LARGE1: variants seen among roughly 807,000 people sequenced by gnomAD.
LARGE1 encodes the protein xylosyl- and glucuronyltransferase LARGE1.
A neutral mutation model predicts 87.6 loss-of-function variants in LARGE1; 43 were observed. The observed-to-expected ratio is 0.49, with a 90% confidence interval of 0.38 to 0.63. The LOEUF (loss-of-function observed/expected upper bound fraction) is 0.63. Among genes scored for constraint, LARGE1 ranks in the 30% least tolerant of loss-of-function variants. The pLI is 0.00. For missense variants in LARGE1, 802 were observed against 1,000.2 expected, an observed-to-expected ratio of 0.80 and a Z score of 2.67; for synonymous variants, 434 against 394.6, an observed-to-expected ratio of 1.10 and a Z score of -1.18.
At chr22:33,653,073 A>T (rs771051786) in intron 2 of LARGE1, among the ~76,000 whole-genome samples, 1 of 152,232 alleles carries the variant, frequency 6.6e-6, no homozygotes, top group Non-Finnish European at 1.5e-5. Context: ...GAAAAAGAAT[A>T]GGCAGCTATT....
At chr22:33,202,905 G>A (rs1167576213) in intron 11 of LARGE1, among the ~76,000 whole-genome samples, 1 of 152,186 alleles carries the variant, frequency 6.6e-6, no homozygotes, top group African/African-American at 2.4e-5. Flanking sequence ...TTCCTGGAAA[G>A]CAAGGCATTA....
rs184750582 is a variant in LARGE1 at position 33,702,254 on chromosome 22, G to A, written c.107-51586C>T. 1.6e-4 allele frequency among the ~76,000 whole-genome samples: 25 copies of A among 152,340 alleles called. No homozygotes were observed. In the East Asian group the frequency reaches 4.4e-3, roughly 27 times the overall value. ...GGCATTCAATATGCATTTGCTGAAT[G>A]TAATCTGCAGCTTCTGGACTGACCT... On this transcript the variant is annotated intron_variant, in intron 2 of 14. Coordinates refer to ENST00000397394, the MANE Select transcript of LARGE1 (RefSeq NM_133642.5).
chr22:33,637,779 C>T (rs916565433), intron 3 of LARGE1, among the ~76,000 whole-genome samples: 1 of 152,174 alleles, frequency 6.6e-6, no homozygotes, highest in Non-Finnish European at 1.5e-5. Flanking sequence ...TAATTGTAAT[C>T]TCTTTAAAGG....
rs190433228 is a variant in LARGE1, at chr22:33,621,888, A to G, written c.491+4356T>C. 9.8e-5 allele frequency among the ~76,000 whole-genome samples: 15 copies of G among 152,294 alleles called. No homozygotes were observed. In the East Asian group the frequency reaches 2.5e-3, roughly 26 times the overall value. On this transcript the variant is annotated intron_variant, in intron 4 of 14. Transcript: ENST00000397394. ...ATAACTTAAGCATACCCTGAGAATG[A>G]CCCTGTTTGACAGACGTACCTGAAT...
At chr22:33,640,446 C>G (rs1019890519) in intron 3 of LARGE1, among the ~76,000 whole-genome samples, 2 of 152,188 alleles carry the variant, frequency 1.3e-5, no homozygotes, top group Non-Finnish European at 2.9e-5. Context: ...AGAAGAAGAA[C>G]AAAACCTAAT....
intron 11 of LARGE1, among the ~76,000 whole-genome samples, chr22:33,222,745 A>G (rs1925519356): frequency 6.6e-6 from 1 of 152,224 alleles, no homozygotes; most frequent in African/African-American, 2.4e-5. Flanking sequence ...CCACACTTTG[A>G]TTTGGGACTT....
chr22:33,432,606 T>TGCATGCAG (rs1569158549), intron 6 of LARGE1, among the ~76,000 whole-genome samples: 1 of 152,144 alleles, frequency 6.6e-6, no homozygotes, highest in Non-Finnish European at 1.5e-5. Context: ...CATGCATGCA[T>TGCATGCAG]GCATGCATTT....
the LARGE1 span, among the ~76,000 whole-genome samples, chr22:33,129,029 C>T: frequency 6.6e-6 from 1 of 152,182 alleles, no homozygotes; most frequent in Non-Finnish European, 1.5e-5. Context: ...ATCACCATGG[C>T]ACACGTTTAC....
intron 1 of LARGE1, among the ~76,000 whole-genome samples, chr22:33,866,440 C>T (rs933149565): frequency 6.6e-6 from 1 of 152,154 alleles, no homozygotes; most frequent in African/African-American, 2.4e-5. Context: ...GTGACAACAT[C>T]GGATGGTGCA....
Position 33,687,585 on chromosome 22 carries a change from C to T in LARGE1, c.107-36917G>A, listed in dbSNP as rs183027476. Among the ~76,000 whole-genome samples, 9 of 152,216 alleles carry T rather than the reference C, an allele frequency of 5.9e-5. No homozygotes were observed. In the South Asian group the frequency reaches 1.5e-3, roughly 25 times the overall value. On this transcript the variant is annotated intron_variant, in intron 2 of 14. Transcript: ENST00000397394. Reference sequence around the variant, plus strand: ...TTGAATGAGTGAAGGTTCCAGGAGGCGTCGCATGTTCTTGAGAGCCACGCC... The same window carrying T: ...TTGAATGAGTGAAGGTTCCAGGAGGTGTCGCATGTTCTTGAGAGCCACGCC...
At chr22:33,860,616 T>C (rs941046388) in intron 1 of LARGE1, among the ~76,000 whole-genome samples, 1 of 152,020 alleles carries the variant, frequency 6.6e-6, no homozygotes, top group African/African-American at 2.4e-5. Flanking sequence ...TCCTGAGCTG[T>C]GAAGGTGGTG....
intron 2 of LARGE1, among the ~76,000 whole-genome samples, chr22:33,670,383 G>A (rs1010735800): frequency 6.6e-6 from 1 of 151,716 alleles, no homozygotes; most frequent in Non-Finnish European, 1.5e-5. Flanking sequence ...GACTCATCAC[G>A]TACATGTTGA....
chr22:33,238,078 AGCTGCTGG>A (rs1169653037), intron 11 of LARGE1, among the ~76,000 whole-genome samples: 1 of 152,244 alleles, frequency 6.6e-6, no homozygotes, highest in Non-Finnish European at 1.5e-5. Flanking sequence ...TCAGCTGCTA[AGCTGCTGG>A]TTACAATAAT....
chr22:33,546,155 G>A (rs2077355189), intron 6 of LARGE1, among the ~76,000 whole-genome samples: 1 of 152,184 alleles, frequency 6.6e-6, no homozygotes, highest in African/African-American at 2.4e-5. Context: ...TCCTTGGCAT[G>A]GCACAGCACG....
In LARGE1 at chr22:33,527,450, G is replaced by A. The variant is rs185453702; in HGVS notation, c.787+37398C>T. Among the ~76,000 whole-genome samples, 35 of 152,294 alleles carry A rather than the reference G, an allele frequency of 2.3e-4. 1 individual carries two copies. Among genetic ancestry groups the A allele is most frequent in the African/African-American group, 2.4e-4 (10 of 41,570 alleles). On this transcript the variant is annotated intron_variant, in intron 6 of 14. Transcript: ENST00000397394. ...GTGGAGACACAGAGCCAAGGCGATCGGATTTATGTTCCCAGGGGACAGAAA... is the reference window on the plus strand; with the variant it reads ...GTGGAGACACAGAGCCAAGGCGATCAGATTTATGTTCCCAGGGGACAGAAA...
chr22:33,369,983 T>C (rs2064748196), intron 9 of LARGE1, among the ~76,000 whole-genome samples: 1 of 152,004 alleles, frequency 6.6e-6, no homozygotes, highest in Non-Finnish European at 1.5e-5. Flanking sequence ...TGGCTTTACA[T>C]ATTACAACAG....
intron 2 of LARGE1, among the ~76,000 whole-genome samples, chr22:33,712,565 G>T (rs763989799): frequency 2.6e-5 from 4 of 151,778 alleles, no homozygotes; most frequent in Non-Finnish European, 5.9e-5. Context: ...GTCAAGAGAC[G>T]AAAGAAATGG....
Position 33,386,480 on chromosome 22 carries a change from G to A in LARGE1, c.893-2176C>T, listed in dbSNP as rs1049645307. 1.2e-4 allele frequency among the ~76,000 whole-genome samples: 18 copies of A among 148,528 alleles called. 1 individual carries two copies. Among genetic ancestry groups the A allele is most frequent in the African/African-American group, 3.4e-4 (14 of 40,920 alleles). On this transcript the variant is annotated intron_variant, in intron 7 of 14. Coordinates refer to ENST00000397394, the MANE Select transcript of LARGE1 (RefSeq NM_133642.5). ...CCTGCACAGCTCAGAAAACTGTTGC[G>A]CACTCTTGTGGTAGGCTGGTAATGT...
At chr22:33,417,401 G>A (rs2066537689) in intron 7 of LARGE1, among the ~76,000 whole-genome samples, 3 of 152,172 alleles carry the variant, frequency 2.0e-5, no homozygotes, top group Admixed American at 2.0e-4. Flanking sequence ...AGGTGGGAGT[G>A]TAGAATTCAT....
Sources: gnomAD v4.1 joint callset for allele counts (sites outside exome capture counted in the v4.1 genomes callset) on GRCh38, gnomAD v4.1.1 for gene constraint, MANE v1.5 for transcripts, NCBI Gene and HGNC (gene_info 2026-07-23, HGNC 2026-07-21) for gene names.